The following PPFIBP2 variants were observed in gnomAD, a reference collection of about 807,000 sequenced individuals.
PPFIBP2 encodes the protein liprin-beta-2.
In PPFIBP2, 118 loss-of-function variants were observed where a neutral mutation model predicts 118.3. The observed-to-expected ratio is 1.00, with a 90% CI of 0.86 to 1.16. The LOEUF (loss-of-function observed/expected upper bound fraction) is 1.16, where lower values mean the gene tolerates loss of function less well. PPFIBP2 is among the 50% of genes most tolerant of loss of function. PPFIBP2 has a pLI of 0.00. For missense variants in PPFIBP2, 1,195 were observed against 1,073.1 expected (o/e 1.11, Z -1.59); for synonymous variants, 414 against 397.4 (o/e 1.04, Z -0.50).
At chr11:7,627,640 G>T (rs1850201277) in intron 8 of PPFIBP2, among the ~76,000 whole-genome samples, 1 of 152,166 alleles carries the variant, frequency 6.6e-6, no homozygotes, top group African/African-American at 2.4e-5. Flanking sequence ...GAAGGCCTTG[G>T]ATTTTCCACC....
intron 14 of PPFIBP2, 40 bp downstream of exon 14, chr11:7,635,633 A>G (rs1241674742): frequency 1.3e-6 from 2 of 1,556,962 alleles, no homozygotes; most frequent in Non-Finnish European, 1.8e-6. Flanking sequence ...TTGTGGTTAC[A>G]CTGTTTGCTA....
intron 23 of PPFIBP2, 85 bp from the exon 24 acceptor site, chr11:7,652,939 G>T: frequency 7.0e-7 from 1 of 1,427,326 alleles, no homozygotes. Context: ...TTGAGTGCCT[G>T]CTCTTAAATT....
At chr11:7,523,127 G>A (rs945961545) in intron 1 of PPFIBP2, among the ~76,000 whole-genome samples, 3 of 152,138 alleles carry the variant, frequency 2.0e-5, no homozygotes, top group South Asian at 2.1e-4. Context: ...ACAGCTGTCC[G>A]ATGAGGAGTG....
chr11:7,546,285 G>A (rs1302204694), intron 1 of PPFIBP2, among the ~76,000 whole-genome samples: 1 of 152,202 alleles, frequency 6.6e-6, no homozygotes, highest in Non-Finnish European at 1.5e-5. Flanking sequence ...TTTTGTATTT[G>A]AATTTTCAGG....
intron 17 of PPFIBP2, among the ~76,000 whole-genome samples, chr11:7,643,707 A>G (rs1438940128): frequency 1.3e-5 from 2 of 152,248 alleles, no homozygotes; most frequent in Non-Finnish European, 2.9e-5. Context: ...ATTTCTAGAT[A>G]TTAATATTTA....
At chr11:7,529,052 C>T (rs545638527) in intron 1 of PPFIBP2, among the ~76,000 whole-genome samples, 7 of 152,122 alleles carry the variant, frequency 4.6e-5, no homozygotes, top group South Asian at 2.1e-4. Flanking sequence ...AGACCACCTG[C>T]GAGGCAATAG....
At chr11:7,608,812 C>T (rs1211764776) in intron 5 of PPFIBP2, among the ~76,000 whole-genome samples, 1 of 152,210 alleles carries the variant, frequency 6.6e-6, no homozygotes, top group African/African-American at 2.4e-5. Flanking sequence ...TACAAAAGCA[C>T]CAGCAGTCTC....
At chr11:7,633,451 C>T (rs1271342299) in intron 12 of PPFIBP2, among the ~76,000 whole-genome samples, 1 of 152,172 alleles carries the variant, frequency 6.6e-6, no homozygotes, top group East Asian at 1.9e-4. Context: ...TAAAATAAAC[C>T]TAAATCTAGT....
At chr11:7,634,394 T>G in intron 12 of PPFIBP2, 101 bp from the exon 13 acceptor site, 1 of 951,856 alleles carries the variant, frequency 1.1e-6, no homozygotes, top group Non-Finnish European at 1.7e-6. Flanking sequence ...ACTTTGAACC[T>G]AAGCCCAAGA....
chr11:7,557,837 G>A (rs1407222447), intron 2 of PPFIBP2, among the ~76,000 whole-genome samples: 1 of 152,098 alleles, frequency 6.6e-6, no homozygotes, highest in African/African-American at 2.4e-5. Flanking sequence ...CTCAGGTTTT[G>A]CTATTGCTAC....
intron 1 of PPFIBP2, among the ~76,000 whole-genome samples, chr11:7,535,402 G>T (rs1851112229): frequency 6.6e-6 from 1 of 152,212 alleles, no homozygotes; most frequent in African/African-American, 2.4e-5. Flanking sequence ...GAGCAGGTCA[G>T]GCTCAGTGAG....
chr11:7,666,062 AGGTGAGGTGGGCGGTAAGG>A, the PPFIBP2 span: 8 of 711,268 alleles, frequency 1.1e-5, no homozygotes, highest in East Asian at 5.4e-5. Context: ...CAGCATGTCC[AGGTGAGGTGGGCGGTAAGG>A]GGTGTGGTGG....
chr11:7,618,536 G>T (rs1848954917), intron 6 of PPFIBP2, among the ~76,000 whole-genome samples: 2 of 152,178 alleles, frequency 1.3e-5, no homozygotes, highest in Non-Finnish European at 2.9e-5. Context: ...AGGCTGAGCA[G>T]AAGAACCCTC....
intron 2 of PPFIBP2, among the ~76,000 whole-genome samples, chr11:7,559,068 G>A (rs371042594): frequency 1.3e-5 from 2 of 152,152 alleles, no homozygotes; most frequent in Non-Finnish European, 2.9e-5. Context: ...TTGTAAAACC[G>A]CTCAGGTGAC....
chr11:7,665,791 A>G, the PPFIBP2 span: 7 of 1,483,946 alleles, frequency 4.7e-6, no homozygotes, highest in African/African-American at 1.4e-5. Context: ...GTCAGCTGTC[A>G]GCATTGACGA....
At chr11:7,614,604 TG>T (rs1233712892) in intron 6 of PPFIBP2, among the ~76,000 whole-genome samples, 10 of 152,228 alleles carry the variant, frequency 6.6e-5, no homozygotes, top group Non-Finnish European at 1.3e-4. Context: ...GTAAAGATAT[TG>T]ATGTGGAATT....
chr11:7,643,872 T>A (rs1852586364), intron 17 of PPFIBP2, among the ~76,000 whole-genome samples: 1 of 152,228 alleles, frequency 6.6e-6, no homozygotes, highest in Non-Finnish European at 1.5e-5. Flanking sequence ...TCTCTCAGAT[T>A]ATGGATGAAC....
intron 17 of PPFIBP2, among the ~76,000 whole-genome samples, chr11:7,646,636 G>A (rs183412651): frequency 1.3e-5 from 2 of 152,160 alleles, no homozygotes; most frequent in East Asian, 3.8e-4. Flanking sequence ...GAGGCAGGAG[G>A]ATTGCTTGAG....
intron 1 of PPFIBP2, among the ~76,000 whole-genome samples, chr11:7,545,533 AC>A (rs1160127739): frequency 6.6e-6 from 1 of 152,194 alleles, no homozygotes; most frequent in Non-Finnish European, 1.5e-5. Context: ...TTAATCTCTT[AC>A]TGTGCCGTGC....
Sources: gnomAD v4.1 joint callset for allele counts (sites outside exome capture counted in the v4.1 genomes callset) on GRCh38, gnomAD v4.1.1 for gene constraint, MANE v1.5 for transcripts, NCBI Gene and HGNC (gene_info 2026-07-23, HGNC 2026-07-21) for gene names.